Variants in RBFOX1 observed in about 807,000 individuals in gnomAD.
RBFOX1 encodes the protein RNA binding fox-1 homolog 1.
RBFOX1 carries 8 observed loss-of-function variants against 57.7 expected under a neutral mutation model. That is an observed-to-expected ratio of 0.14 (90% CI 0.08 to 0.25). The LOEUF is 0.25. RBFOX1 is among the 10% of genes least tolerant of loss of function. The pLI is 1.00. For synonymous variants in RBFOX1, 326 were observed against 222.4 expected (o/e 1.47, Z -4.15); for missense variants, 611 against 548.5 (o/e 1.11, Z -1.14).
At chr16:6,500,378 C>A (rs1196451449) in intron 2 of RBFOX1, among the ~76,000 whole-genome samples, 1 of 152,122 alleles carries the variant, frequency 6.6e-6, no homozygotes, top group African/African-American at 2.4e-5. Context: ...ACACTCAGAG[C>A]TTCTCACTAG....
chr16:5,335,082 T>C (rs2064861650), intron 1 of RBFOX1, among the ~76,000 whole-genome samples: 1 of 152,122 alleles, frequency 6.6e-6, no homozygotes, highest in Non-Finnish European at 1.5e-5. Flanking sequence ...TCACTGGCAG[T>C]GTGTTTGTGG....
At chr16:6,230,672 C>A (rs1471222396) in intron 1 of RBFOX1, among the ~76,000 whole-genome samples, 1 of 152,112 alleles carries the variant, frequency 6.6e-6, no homozygotes, top group Non-Finnish European at 1.5e-5. Flanking sequence ...TCACGCATAA[C>A]AATTCAAGGG....
chr16:6,879,920 T>C (rs560309519), intron 3 of RBFOX1, among the ~76,000 whole-genome samples: 30 of 152,352 alleles, frequency 2.0e-4, no homozygotes, highest in African/African-American at 6.7e-4. Flanking sequence ...TAAAATATTA[T>C]TTAAATTTTC....
chr16:5,834,863 C>A (rs1451964570), intron 3 of RBFOX1, among the ~76,000 whole-genome samples: 1 of 152,010 alleles, frequency 6.6e-6, no homozygotes, highest in Non-Finnish European at 1.5e-5. Context: ...GGTAGCTATC[C>A]AGTGGTGGGA....
At chr16:5,906,257 G>A (rs1386654548) in intron 4 of RBFOX1, among the ~76,000 whole-genome samples, 3 of 152,190 alleles carry the variant, frequency 2.0e-5, no homozygotes, top group African/African-American at 7.2e-5. Context: ...TCATCCGGGA[G>A]TAGGGTGGGC....
At chr16:5,902,645 G>A (rs1276348189) in intron 4 of RBFOX1, among the ~76,000 whole-genome samples, 2 of 151,986 alleles carry the variant, frequency 1.3e-5, no homozygotes, top group African/African-American at 4.8e-5. Flanking sequence ...CAAACTCCTG[G>A]CCTCAAGTGA....
chr16:7,590,940 G>A (rs1186041572), intron 7 of RBFOX1, among the ~76,000 whole-genome samples: 1 of 150,654 alleles, frequency 6.6e-6, no homozygotes, highest in African/African-American at 2.4e-5. Flanking sequence ...TGCATTTCAT[G>A]AGAGCCAACC....
intron 2 of RBFOX1, among the ~76,000 whole-genome samples, chr16:6,402,010 C>T: frequency 6.6e-6 from 1 of 151,654 alleles, no homozygotes; most frequent in East Asian, 1.9e-4. Context: ...AAACGTTCCT[C>T]TGGCCCCAAC....
At position 5,770,165 on chromosome 16, in the gene RBFOX1, C is replaced by T. The variant is rs149571912; in HGVS notation, c.319-97138C>T. Among the ~76,000 whole-genome samples, 24 of 152,102 alleles carry T rather than the reference C, an allele frequency of 1.6e-4. No homozygotes were observed. The East Asian group carries it at 4.4e-3, about 28-fold the overall frequency. On this transcript the variant is annotated intron_variant, in intron 3 of 19. Transcript: ENST00000641259. Reference sequence around the variant, plus strand: ...GTGATGAGCTATGCTTAAGTGAGAACCTCTCATGTTGGACCTGAGGTAGGA... The same window carrying T: ...GTGATGAGCTATGCTTAAGTGAGAATCTCTCATGTTGGACCTGAGGTAGGA...
At chr16:5,985,888 G>C (rs1453680272) in intron 4 of RBFOX1, among the ~76,000 whole-genome samples, 2 of 152,132 alleles carry the variant, frequency 1.3e-5, no homozygotes, top group Non-Finnish European at 2.9e-5. Flanking sequence ...TTACGTTTGA[G>C]AAGAATGAGG....
At chr16:7,543,860 A>G (rs557923825) in intron 5 of RBFOX1, among the ~76,000 whole-genome samples, 108 of 150,918 alleles carry the variant, frequency 7.2e-4, no homozygotes, top group African/African-American at 2.5e-3. Context: ...AGCTGGGATT[A>G]TAGGCACGCA....
intron 3 of RBFOX1, among the ~76,000 whole-genome samples, chr16:6,835,135 C>T (rs1048893041): frequency 1.9e-4 from 29 of 152,020 alleles, no homozygotes; most frequent in African/African-American, 7.0e-4. Flanking sequence ...TCTCCTGACC[C>T]TGTGATCTGC....
intron 4 of RBFOX1, among the ~76,000 whole-genome samples, chr16:7,472,015 T>C (rs2061643573): frequency 6.6e-6 from 1 of 152,182 alleles, no homozygotes; most frequent in Non-Finnish European, 1.5e-5. Context: ...AGTGGAACAA[T>C]TGGTGAACAC....
At chr16:5,521,352 TGGG>T (rs944622894) in intron 2 of RBFOX1, among the ~76,000 whole-genome samples, 1 of 9,334 alleles carries the variant, frequency 1.1e-4, no homozygotes, top group Admixed American at 1.7e-3. Context: ...CTTTTGCTGT[TGGG>T]GGTGGGGTGG....
chr16:6,513,173 C>A (rs2096288897), intron 2 of RBFOX1, among the ~76,000 whole-genome samples: 1 of 152,146 alleles, frequency 6.6e-6, no homozygotes, highest in Non-Finnish European at 1.5e-5. Flanking sequence ...GCGACTTCAT[C>A]TGTAAACTCA....
chr16:5,636,743 G>T (rs1380151895), intron 3 of RBFOX1, among the ~76,000 whole-genome samples: 1 of 152,192 alleles, frequency 6.6e-6, no homozygotes, highest in Non-Finnish European at 1.5e-5. Context: ...AGGTGAGACC[G>T]CAGGGTTGCC....
intron 11 of RBFOX1, among the ~76,000 whole-genome samples, chr16:7,632,213 C>G (rs1328324365): frequency 6.6e-6 from 1 of 152,150 alleles, no homozygotes; most frequent in Admixed American, 6.5e-5. Flanking sequence ...CTGGCCCAGA[C>G]TATAATCTTT....
chr16:6,570,109 A>C (rs1011750234), intron 2 of RBFOX1, among the ~76,000 whole-genome samples: 1 of 152,238 alleles, frequency 6.6e-6, no homozygotes, highest in Non-Finnish European at 1.5e-5. Flanking sequence ...ATAATGGACT[A>C]CAGAGCCATG....
At position 5,751,983 on chromosome 16, in the gene RBFOX1, A is replaced by G. The variant is rs1050225654; in HGVS notation, c.319-115320A>G. 2.0e-5 allele frequency among the ~76,000 whole-genome samples: 3 copies of G among 152,346 alleles called. No homozygotes were observed. The South Asian group carries it at 6.2e-4, about 32-fold the overall frequency. ...TAAAGATACATGCATGTGTATGTTC[A>G]TTGTACACTATTCACAATAGCAAAG... On this transcript the variant is annotated intron_variant, in intron 3 of 19. Coordinates refer to the RBFOX1 transcript ENST00000641259.
Sources: allele counts gnomAD v4.1 joint callset (sites outside exome capture counted in the v4.1 genomes callset), GRCh38; gene constraint gnomAD v4.1.1; transcripts MANE v1.5; gene names NCBI Gene and HGNC (gene_info 2026-07-23, HGNC 2026-07-21).